Variants in TMEM184B observed in about 807,000 individuals in gnomAD.
The protein encoded by TMEM184B is transmembrane protein 184B.
In TMEM184B, 17 loss-of-function variants were observed where a neutral mutation model predicts 41.8. The ratio of observed to expected loss-of-function variants is 0.41; its 90% CI spans 0.28 to 0.61. The LOEUF (loss-of-function observed/expected upper bound fraction) is 0.61, where lower values mean the gene tolerates loss of function less well. Ranked by LOEUF, TMEM184B falls within the 20% of genes least tolerant of loss-of-function variation. The probability of loss-of-function intolerance (pLI) is 0.34; values close to 1 mark genes in which losing one functional copy is unlikely to be tolerated. For synonymous variants in TMEM184B, 240 were observed against 229.5 expected (o/e 1.05, Z -0.41); for missense variants, 393 against 557.8 (o/e 0.70, Z 2.98).
Position 38,225,382 on chromosome 22 carries a change from A to G in TMEM184B, c.787+42T>C, listed in dbSNP as rs758777942. 6 of 1,525,330 alleles carry G rather than the reference A, an allele frequency of 3.9e-6. No homozygotes were observed. The South Asian group carries it at 3.9e-5, about 10-fold the overall frequency. 94.5% of individuals were successfully genotyped at this position (1,525,330 alleles called of 1,614,324 possible). ...AGGGGCAGCAGGAAGCGCAGAGGAC[A>G]GGGTGGCATGGGCAGCCTCCAGGTG... On this transcript the variant is annotated intron_variant, in intron 7 of 8. Transcript: ENST00000361906. This position sits in a 1 kb window ranked among gnomAD's most constrained non-coding sequence, Gnocchi z 4.4.
intron 1 of TMEM184B, among the ~76,000 whole-genome samples, chr22:38,267,519 G>A (rs1602507598): frequency 6.7e-6 from 1 of 148,826 alleles, no homozygotes; most frequent in South Asian, 2.1e-4. Flanking sequence ...TGCAACCTCC[G>A]CCTCCCAGGT....
chr22:38,227,680 C>T (rs1023019514), intron 5 of TMEM184B, among the ~76,000 whole-genome samples: 1 of 152,254 alleles, frequency 6.6e-6, no homozygotes, highest in South Asian at 2.1e-4. Flanking sequence ...GACACTTGGC[C>T]TCTGAGCACA....
At chr22:38,222,836 A>T (rs1303961553) in intron 8 of TMEM184B, 2 of 399,482 alleles carry the variant, frequency 5.0e-6, no homozygotes, top group Non-Finnish European at 6.8e-6. Context: ...CAGGGCACCC[A>T]GGAAGCTCCA....
Position 38,247,837 on chromosome 22 carries a change from A to G in TMEM184B, c.125T>C (p.Met42Thr). ...AGAGATGGCCTGAGCGGCAGTTGTC[A>G]TCAGGAACACAGGCTGCTCCATGGC... ...PTAMEQPVFL[M>T]TTAAQAISGF... The change falls in exon 2 of 9, where the codon ATG becomes ACG. Residue 42 changes from methionine (M) to threonine (T), a missense_variant. By Grantham distance (81) the Met-to-Thr change is moderately conservative. Coordinates refer to ENST00000361906, the MANE Select transcript of TMEM184B (RefSeq NM_012264.5). The G allele has an allele frequency of 6.2e-7, 1 of 1,613,932 alleles. No homozygotes were observed. Among genetic ancestry groups the G allele is most frequent in the Non-Finnish European group, 8.5e-7 (1 of 1,179,982 alleles).
chr22:38,253,702 AAATATTTG>A (rs1250661519), intron 1 of TMEM184B, among the ~76,000 whole-genome samples: 1 of 152,246 alleles, frequency 6.6e-6, no homozygotes, highest in Non-Finnish European at 1.5e-5. Context: ...AGACAGGAGA[AAATATTTG>A]AAACCTAGAG....
chr22:38,261,836 T>C (rs563558873), intron 1 of TMEM184B, among the ~76,000 whole-genome samples: 1 of 152,344 alleles, frequency 6.6e-6, no homozygotes, highest in East Asian at 1.9e-4. Flanking sequence ...TCTGTCCCTG[T>C]AATCAAGAAG....
chr22:38,237,654 G>A (rs908143780), intron 3 of TMEM184B, among the ~76,000 whole-genome samples: 2 of 152,246 alleles, frequency 1.3e-5, no homozygotes, highest in African/African-American at 2.4e-5. Context: ...GCCTCAGAAC[G>A]TTCTTATGCC....
At position 38,226,554 on chromosome 22, in the gene TMEM184B, C is replaced by G; in HGVS notation, c.617+225G>C. ...ATCCCTTCATGGTACCACTCTGCAG[C>G]CTGGACATGAACGTGACTGCTGCCA... On this transcript the variant is annotated intron_variant, in intron 6 of 8. Coordinates refer to ENST00000361906, the MANE Select transcript of TMEM184B (RefSeq NM_012264.5). This position sits in a 1 kb window ranked among gnomAD's most constrained non-coding sequence, Gnocchi z 4.6. The G allele has an allele frequency of 2.0e-6, 1 of 500,606 alleles. No homozygotes were observed. Among genetic ancestry groups the G allele is most frequent in the Non-Finnish European group, 3.7e-6 (1 of 270,754 alleles). 31.0% of individuals were successfully genotyped at this position (500,606 alleles called of 1,614,324 possible).
downstream of TMEM184B, among the ~76,000 whole-genome samples, chr22:38,217,755 C>T (rs562560321): frequency 3.4e-4 from 50 of 146,264 alleles, no homozygotes; most frequent in Middle Eastern, 3.6e-3. Context: ...CGCTTAAACC[C>T]GGGAAGCAGA....
At chr22:38,254,876 G>A (rs981766875) in intron 1 of TMEM184B, among the ~76,000 whole-genome samples, 1 of 142,634 alleles carries the variant, frequency 7.0e-6, no homozygotes, top group Non-Finnish European at 1.5e-5. Context: ...TTTTGAGACA[G>A]AGCCTTGGTC....
At chr22:38,272,508 C>A (rs1213149275) in intron 1 of TMEM184B, 1 of 985,582 alleles carries the variant, frequency 1.0e-6, no homozygotes, top group East Asian at 1.1e-4. Context: ...CTCGGCCGTG[C>A]CAGTCGCCAG....
At chr22:38,237,196 C>A (rs138059058) in intron 3 of TMEM184B, among the ~76,000 whole-genome samples, 1,644 of 152,288 alleles carry the variant, frequency 0.011, 11 homozygotes, top group Non-Finnish European at 0.016. Context: ...CTCATTCCCC[C>A]ACAAGGAAGG....
At chr22:38,263,980 T>C (rs566155475) in intron 1 of TMEM184B, among the ~76,000 whole-genome samples, 1 of 152,286 alleles carries the variant, frequency 6.6e-6, no homozygotes, top group East Asian at 1.9e-4. Context: ...AATTTTTGTA[T>C]TTTTAGTAGA....
intron 3 of TMEM184B, among the ~76,000 whole-genome samples, chr22:38,233,130 T>C (rs1050259588): frequency 2.0e-5 from 3 of 152,236 alleles, no homozygotes; most frequent in East Asian, 3.9e-4. Context: ...TAGGCAAAGC[T>C]GGCCTTCAGC....
Position 38,224,919 on chromosome 22 carries a change from A to C in TMEM184B, c.848T>G (p.Val283Gly). The change falls in exon 8 of 9, where the codon GTG becomes GGG. Residue 283 changes from valine to glycine, a missense_variant. By Grantham distance (109) the Val-to-Gly change is moderately radical. Transcript: ENST00000361906. Reference protein sequence around the residue: ...GAIPKIHSARVSVGEGTVAAG... With the variant: ...GAIPKIHSARGSVGEGTVAAG... ...AGCCACGGTGCCCTCGCCCACCGAC[A>C]CGCGGGCCGAGTGGATTTTGGGGAT... 1 of 1,610,564 alleles carries C rather than the reference A, an allele frequency of 6.2e-7. No individual in the cohort carries two copies. The highest frequency in any genetic ancestry group is 8.5e-7 in the Non-Finnish European group (1 of 1,178,520).
intron 1 of TMEM184B, among the ~76,000 whole-genome samples, chr22:38,257,752 T>C (rs1381585285): frequency 6.6e-6 from 1 of 152,252 alleles, no homozygotes; most frequent in Non-Finnish European, 1.5e-5. Context: ...CATACACTTA[T>C]AATTACACCA....
At chr22:38,266,457 G>A (rs2092444786) in intron 1 of TMEM184B, among the ~76,000 whole-genome samples, 1 of 152,226 alleles carries the variant, frequency 6.6e-6, no homozygotes, top group African/African-American at 2.4e-5. Context: ...GTCACAGCTG[G>A]GTTTCCTGAC....
In TMEM184B at chr22:38,266,627, T is replaced by C. The variant is rs540564797; in HGVS notation, c.-59+6257A>G. ...ATCTATAGCTACCTTTCAAATGCTA[T>C]GGGTAAATGTTTATAACCCGGTGTT... On this transcript the variant is annotated intron_variant, in intron 1 of 8. Coordinates refer to ENST00000361906, the MANE Select transcript of TMEM184B (RefSeq NM_012264.5). 3.3e-5 allele frequency among the ~76,000 whole-genome samples: 5 copies of C among 152,392 alleles called. No homozygotes were observed. The East Asian group carries it at 9.6e-4, about 29-fold the overall frequency.
rs553229461 is a variant in TMEM184B at position 38,266,337 on chromosome 22, G to A, written c.-59+6547C>T. Among the ~76,000 whole-genome samples, 274 of 152,372 alleles carry A rather than the reference G, an allele frequency of 1.8e-3. 1 individual carries two copies. Among genetic ancestry groups the A allele is most frequent in the African/African-American group, 6.0e-3 (249 of 41,596 alleles). ...AACCACAACCTTGGGAGCTAAAGGC[G>A]TTCAAATCAAGGACTTCACCAGAGC... On this transcript the variant is annotated intron_variant, in intron 1 of 8. Coordinates refer to ENST00000361906, the MANE Select transcript of TMEM184B (RefSeq NM_012264.5).
Sources: gnomAD v4.1 joint callset for allele counts (sites outside exome capture counted in the v4.1 genomes callset) on GRCh38, gnomAD v4.1.1 for gene constraint, Gnocchi (gnomAD v3.1) non-coding constraint, MANE v1.5 for transcripts, NCBI Gene and HGNC (gene_info 2026-07-23, HGNC 2026-07-21) for gene names.